The following CDK17 variants were observed in gnomAD, a reference collection of about 807,000 sequenced individuals.
CDK17 encodes the protein cyclin dependent kinase 17.
In CDK17, 24 loss-of-function variants were observed where a neutral mutation model predicts 77.6. The observed-to-expected ratio is 0.31, with a 90% CI of 0.22 to 0.44. CDK17 has a LOEUF of 0.44. Ranked by LOEUF, CDK17 falls within the 20% of genes least tolerant of loss-of-function variation. CDK17 has a pLI of 1.00. For missense variants in CDK17, 429 were observed against 622.5 expected, an observed-to-expected ratio of 0.69 and a Z score of 3.31; for synonymous variants, 203 against 210.4, an observed-to-expected ratio of 0.96 and a Z score of 0.30.
intron 1 of CDK17, among the ~76,000 whole-genome samples, chr12:96,355,982 T>C (rs1487555750): frequency 5.9e-5 from 9 of 152,216 alleles, no homozygotes; most frequent in Non-Finnish European, 8.8e-5. Flanking sequence ...CTGCTGTGCT[T>C]AGGTTTTCTC....
At position 96,311,109 on chromosome 12, in the gene CDK17, C is replaced by G. The variant is rs891517980; in HGVS notation, c.486G>C (p.Gln162His). The change falls in exon 5 of 17, where the codon CAG becomes CAC. Residue 162 changes from glutamine to histidine, a missense_variant. Transcript: ENST00000261211. ...RIPDGYLEKL[Q>H]INSPPFDQPM... Reference sequence around the variant, plus strand: ...GTTGGTCAAATGGTGGACTGTTTATCTGCAACTTTTCAAGATATCCATCAG... The same window carrying G: ...GTTGGTCAAATGGTGGACTGTTTATGTGCAACTTTTCAAGATATCCATCAG... 1 of 1,601,404 alleles carries G rather than the reference C, an allele frequency of 6.2e-7. No individual in the cohort carries two copies. Among genetic ancestry groups the G allele is most frequent in the African/African-American group, 1.4e-5 (1 of 73,738 alleles).
At chr12:96,318,151 A>G (rs1403789336) in intron 3 of CDK17, among the ~76,000 whole-genome samples, 2 of 150,062 alleles carry the variant, frequency 1.3e-5, no homozygotes, top group African/African-American at 4.9e-5. Context: ...TTGCAATCCT[A>G]GTCTCTGATA....
chr12:96,377,914 T>G (rs529582107), intron 1 of CDK17, among the ~76,000 whole-genome samples: 3 of 152,110 alleles, frequency 2.0e-5, no homozygotes, highest in Non-Finnish European at 2.9e-5. Flanking sequence ...AGGATGGTCT[T>G]GATCTCCTGA....
chr12:96,296,663 T>TA (rs757318902), intron 9 of CDK17, among the ~76,000 whole-genome samples: 74 of 152,334 alleles, frequency 4.9e-4, no homozygotes, highest in Non-Finnish European at 9.0e-4. Context: ...ACTGTAAGAA[T>TA]ACAAACTATG....
At chr12:96,309,555 A>G (rs780098615) in intron 5 of CDK17, among the ~76,000 whole-genome samples, 1 of 152,254 alleles carries the variant, frequency 6.6e-6, no homozygotes. Context: ...TTAAGAAAAT[A>G]TATTTGTAAG....
chr12:96,346,369 T>C (rs1953211144), intron 1 of CDK17, among the ~76,000 whole-genome samples: 1 of 149,720 alleles, frequency 6.7e-6, no homozygotes, highest in Non-Finnish European at 1.5e-5. Context: ...GGAGAATCAC[T>C]TGAACCTGGG....
chr12:96,318,854 T>A, intron 3 of CDK17, among the ~76,000 whole-genome samples: 2 of 77,244 alleles, frequency 2.6e-5, no homozygotes, highest in African/African-American at 5.4e-5. Context: ...GCAGGAAAGA[T>A]CCAAAATTGA....
At chr12:96,380,188 A>C (rs1192392273) in intron 1 of CDK17, among the ~76,000 whole-genome samples, 1 of 151,446 alleles carries the variant, frequency 6.6e-6, no homozygotes, top group Non-Finnish European at 1.5e-5. Flanking sequence ...AAAAAAACAA[A>C]AAAAAAACCC....
chr12:96,281,588 C>T (rs769240448), intron 15 of CDK17, among the ~76,000 whole-genome samples: 2 of 152,314 alleles, frequency 1.3e-5, no homozygotes, highest in East Asian at 1.9e-4. Flanking sequence ...AGCCTGGTCT[C>T]GAACTCCTGA....
chr12:96,352,864 T>C (rs1358074089), intron 1 of CDK17, among the ~76,000 whole-genome samples: 1 of 152,248 alleles, frequency 6.6e-6, no homozygotes. Flanking sequence ...TTTTTTAAAG[T>C]ATTAGAGTTT....
Position 96,282,445 on chromosome 12 carries a change from C to T in CDK17, c.1456+64G>A, listed in dbSNP as rs1050581926. 8 of 1,064,210 alleles carry T rather than the reference C, an allele frequency of 7.5e-6. No individual in the cohort carries two copies. In the African/African-American group the frequency reaches 9.3e-5, roughly 12 times the overall value. The allele number at this position is 1,064,210 out of a possible 1,614,324, so 65.9% of individuals were successfully genotyped here. A position where few individuals can be genotyped will look rare whatever the true frequency, so the allele number is the denominator to read the frequency against. ...AAATCAATAGCCATCTCCCCAATCA[C>T]CCCAGACCCTAACCTTGGACAAATA... is the stretch of plus-strand genomic sequence containing the variant. On this transcript the variant is annotated intron_variant, in intron 15 of 16. Transcript: ENST00000261211.
intron 1 of CDK17, among the ~76,000 whole-genome samples, chr12:96,373,400 C>T (rs1449137107): frequency 6.6e-6 from 1 of 151,128 alleles, no homozygotes; most frequent in African/African-American, 2.4e-5. Flanking sequence ...GGATATCAGC[C>T]TGGCCAACAT....
At chr12:96,285,469 A>C (rs1952234063) in intron 13 of CDK17, among the ~76,000 whole-genome samples, 1 of 152,142 alleles carries the variant, frequency 6.6e-6, no homozygotes, top group African/African-American at 2.4e-5. Flanking sequence ...GGGAGATGGA[A>C]AATGCAGTCA....
chr12:96,281,168 T>C (rs909157681), intron 15 of CDK17, among the ~76,000 whole-genome samples: 8 of 152,220 alleles, frequency 5.3e-5, no homozygotes, highest in Admixed American at 2.0e-4. Flanking sequence ...GTTCCAGGAC[T>C]TTCTGGGGTT....
intron 1 of CDK17, among the ~76,000 whole-genome samples, chr12:96,379,685 T>C (rs1953845005): frequency 6.6e-6 from 1 of 152,030 alleles, no homozygotes; most frequent in Admixed American, 6.5e-5. Flanking sequence ...TCACCTTGGC[T>C]TCCCAAATTT....
At chr12:96,375,947 C>T (rs1282493117) in intron 1 of CDK17, among the ~76,000 whole-genome samples, 1 of 152,170 alleles carries the variant, frequency 6.6e-6, no homozygotes, top group Non-Finnish European at 1.5e-5. Flanking sequence ...TCAAACTATT[C>T]ACCAAGAGAA....
chr12:96,338,518 C>T (rs1208694665), intron 1 of CDK17, among the ~76,000 whole-genome samples: 3 of 152,082 alleles, frequency 2.0e-5, no homozygotes, highest in East Asian at 1.9e-4. Context: ...ACCAACATTT[C>T]GGACTCCAAC....
At chr12:96,305,225 C>T (rs997151330) in intron 5 of CDK17, among the ~76,000 whole-genome samples, 1 of 152,094 alleles carries the variant, frequency 6.6e-6, no homozygotes, top group South Asian at 2.1e-4. Flanking sequence ...CATCCAATAG[C>T]CAATATTTTT....
Position 96,294,304 on chromosome 12 carries a change from A to G in CDK17, c.997+695T>C, listed in dbSNP as rs76761857. Among the ~76,000 whole-genome samples, 351 of 152,252 alleles carry G rather than the reference A, an allele frequency of 2.3e-3. 1 individual carries two copies. The highest frequency in any genetic ancestry group is 8.1e-3 in the African/African-American group (338 of 41,544). On this transcript the variant is annotated intron_variant, in intron 10 of 16. Transcript: ENST00000261211. ...CGTAAGTGTAGTGGTAAAGAATACA[A>G]TGACGGCCTGGGCATGGTGGCTCAT...
Sources: allele counts gnomAD v4.1 joint callset (sites outside exome capture counted in the v4.1 genomes callset), GRCh38; gene constraint gnomAD v4.1.1; transcripts MANE v1.5; gene names NCBI Gene and HGNC (gene_info 2026-07-23, HGNC 2026-07-21).